Variants in STAB2 observed in about 807,000 individuals in gnomAD.
STAB2 encodes the protein stabilin-2.
STAB2 carries 288 observed loss-of-function variants against 338.1 expected under a neutral mutation model. The ratio of observed to expected loss-of-function variants is 0.85; its 90% CI spans 0.77 to 0.94. The LOEUF (loss-of-function observed/expected upper bound fraction) is 0.94, where lower values mean the gene tolerates loss of function less well. Among genes scored for constraint, STAB2 ranks in the 40% least tolerant of loss-of-function variants. The pLI, the probability that STAB2 is intolerant of heterozygous loss-of-function variation, is 0.00. For missense variants in STAB2, 3,141 were observed against 3,210.1 expected (o/e 0.98, Z 0.52); for synonymous variants, 1,202 against 1,193.3 (o/e 1.01, Z -0.15).
intron 34 of STAB2, among the ~76,000 whole-genome samples, 153 bp downstream of exon 34, chr12:103,699,380 GA>G (rs1213922382): frequency 6.6e-6 from 1 of 152,090 alleles, no homozygotes; most frequent in Non-Finnish European, 1.5e-5. Context: ...AGACTGGAAA[GA>G]AAAAGAGGTT....
rs988485733 is a variant in STAB2, at chr12:103,755,633, T to C, written c.6902T>C (p.Val2301Ala). The C allele has an allele frequency of 4.3e-6, 7 of 1,614,016 alleles. No homozygotes were observed. In the African/African-American group the frequency reaches 8.0e-5, roughly 18 times the overall value. ...RMKDVNCTCK[V>A]GYVGDGFSCS... Reference sequence around the variant, plus strand: ...CCAGATGTGAACTGCACCTGCAAGGTGGGCTATGTGGGAGATGGCTTCTCA... The same window carrying C: ...CCAGATGTGAACTGCACCTGCAAGGCGGGCTATGTGGGAGATGGCTTCTCA... Residue 2301 changes from valine (V) to alanine (A), a missense_variant, in exon 63 of 69, where the codon GTG becomes GCG. Physicochemically the swap from Val to Ala is moderately conservative, Grantham distance 64 (BLOSUM62 0). Coordinates refer to ENST00000388887, the MANE Select transcript of STAB2 (RefSeq NM_017564.10).
Position 103,696,373 on chromosome 12 carries a change from G to A in STAB2, c.3582+529G>A, listed in dbSNP as rs558698181. ...TGGAAGTGAAAACAGTGTGCTTGCC[G>A]TGCAAATCCAGCTTCAAATGTGTCT... On this transcript the variant is annotated intron_variant, in intron 33 of 68. Transcript: ENST00000388887. Among the ~76,000 whole-genome samples the A allele has an allele frequency of 4.6e-4, 70 of 152,258 alleles. No homozygotes were observed. The South Asian group carries it at 8.5e-3, about 19-fold the overall frequency.
chr12:103,635,490 T>A (rs1409244678), intron 6 of STAB2, among the ~76,000 whole-genome samples: 1 of 152,180 alleles, frequency 6.6e-6, no homozygotes, highest in Non-Finnish European at 1.5e-5. Context: ...CTCAGCTCCC[T>A]CCAGCATTTG....
rs772757732 is a variant in STAB2 at position 103,737,792 on chromosome 12, AAAC to A, written c.5697+17_5697+19del. 1.9e-6 allele frequency: 3 copies of A among 1,613,568 alleles called. No homozygotes were observed. Among genetic ancestry groups the A allele is most frequent in the South Asian group, 1.1e-5 (1 of 91,012 alleles). ...CTTTCGATGCCTCGGTCAGTCCTAA[AAAC>A]AACAGTGTAGTAAGAGAACCTTAAG... is the stretch of plus-strand genomic sequence containing the variant. On this transcript the variant is annotated intron_variant, in intron 53 of 68. Transcript: ENST00000388887.
Position 103,695,780 on chromosome 12 carries a change from C to G in STAB2, c.3518C>G (p.Thr1173Arg). 1 of 1,614,236 alleles carries G rather than the reference C, an allele frequency of 6.2e-7. No individual in the cohort carries two copies. The highest frequency in any genetic ancestry group is 8.5e-7 in the Non-Finnish European group (1 of 1,180,046). Residue 1173 changes from threonine (T) to arginine (R), a missense_variant, in exon 33 of 69, where the codon ACA becomes AGA. Physicochemically the swap from Thr to Arg is moderately conservative, Grantham distance 71. Transcript: ENST00000388887. ...GCAATTGAGGCTGCCGATGCCTACA[C>G]AGTGTTTGCTCCAAACAACAATGCC... ...ANAIEAADAY[T>R]VFAPNNNAIE... is the part of the protein sequence containing the mutation.
Position 103,690,669 on chromosome 12 carries a change from G to A in STAB2, c.3297+131G>A, listed in dbSNP as rs374239542. On this transcript the variant is annotated intron_variant, in intron 30 of 68. Transcript: ENST00000388887. Reference sequence around the variant, plus strand: ...ACAGAGAACAGAATCCCTCATGTGGGCATCACCCAGCTGCAATAATTATCA... The same window carrying A: ...ACAGAGAACAGAATCCCTCATGTGGACATCACCCAGCTGCAATAATTATCA... The A allele has an allele frequency of 6.5e-5, 44 of 675,790 alleles. No individual in the cohort carries two copies. The African/African-American group carries it at 7.5e-4, about 11-fold the overall frequency. The allele number at this position is 675,790 out of a possible 1,614,324, so 41.9% of individuals were successfully genotyped here.
At position 103,638,016 on chromosome 12, in the gene STAB2, C is replaced by G. The variant is rs1204940908; in HGVS notation, c.710C>G (p.Pro237Arg). The change falls in exon 8 of 69, where the codon CCC becomes CGC. Residue 237 changes from proline (P) to arginine (R), a missense_variant and splice_region_variant. Transcript: ENST00000388887. ...NYRGDGKYCD[P>R]INPCLRKICH... ...TCTCATTTTGCTGTTGCCTCTCAAG[C>G]CATCAATCCATGTTTACGAAAAATC... 1.9e-6 allele frequency: 3 copies of G among 1,608,132 alleles called. No homozygotes were observed. The highest frequency in any genetic ancestry group is 1.7e-4 in the Middle Eastern group (1 of 6,040).
chr12:103,607,076 C>T (rs1450303557), intron 3 of STAB2, among the ~76,000 whole-genome samples: 1 of 152,084 alleles, frequency 6.6e-6, no homozygotes, highest in African/African-American at 2.4e-5. Flanking sequence ...TCCTTTTTCC[C>T]TTTGGCTGCT....
At chr12:103,713,140 C>T (rs1025312811) in intron 41 of STAB2, among the ~76,000 whole-genome samples, 3 of 152,218 alleles carry the variant, frequency 2.0e-5, no homozygotes, top group African/African-American at 7.2e-5. Flanking sequence ...AAGAAGACCT[C>T]CCTCACTGAG....
chr12:103,635,038 G>A (rs117151043), intron 6 of STAB2, among the ~76,000 whole-genome samples: 2 of 152,320 alleles, frequency 1.3e-5, no homozygotes, highest in East Asian at 1.9e-4. Flanking sequence ...TAGTCTCTGT[G>A]AACTATTTTA....
chr12:103,722,741 G>A (rs1281745840), intron 44 of STAB2, among the ~76,000 whole-genome samples: 1 of 152,048 alleles, frequency 6.6e-6, no homozygotes, highest in East Asian at 1.9e-4. Flanking sequence ...AAAAAAAGGA[G>A]TTTGGCTTTT....
intron 6 of STAB2, among the ~76,000 whole-genome samples, chr12:103,635,910 C>G (rs922127265): frequency 1.2e-4 from 18 of 152,222 alleles, no homozygotes; most frequent in African/African-American, 4.3e-4. Flanking sequence ...ACTTTGCTAT[C>G]CAGTGACTAA....
chr12:103,740,832 A>G, intron 55 of STAB2, 76 bp downstream of exon 55: 2 of 1,479,574 alleles, frequency 1.4e-6, no homozygotes, highest in Non-Finnish European at 8.9e-7. Flanking sequence ...CTTTGAATGT[A>G]CCAAAATTAT....
chr12:103,596,263 A>T (rs1243730799), intron 3 of STAB2, among the ~76,000 whole-genome samples: 1 of 152,242 alleles, frequency 6.6e-6, no homozygotes, highest in Non-Finnish European at 1.5e-5. Context: ...CACAAAAACA[A>T]ATCTGATGCT....
chr12:103,761,517 G>C, intron 66 of STAB2, 107 bp downstream of exon 66: 8 of 993,376 alleles, frequency 8.1e-6, no homozygotes, highest in South Asian at 6.0e-5. Flanking sequence ...TTCCTCCAGA[G>C]ACTGGAGGAG....
chr12:103,760,120 A>G (rs1006125134), intron 65 of STAB2, among the ~76,000 whole-genome samples: 1 of 152,164 alleles, frequency 6.6e-6, no homozygotes, highest in African/African-American at 2.4e-5. Context: ...CTCTTCTGGA[A>G]CAGAAGGGGC....
At chr12:103,619,867 G>A (rs1957271435) in intron 3 of STAB2, among the ~76,000 whole-genome samples, 1 of 150,036 alleles carries the variant, frequency 6.7e-6, no homozygotes, top group African/African-American at 2.5e-5. Context: ...CCTTGTACTT[G>A]CTATTGCCTC....
rs1299543469 is a variant in STAB2, at chr12:103,640,243, C to A, written c.1027C>A (p.Pro343Thr). 2 of 1,612,846 alleles carry A rather than the reference C, an allele frequency of 1.2e-6. No homozygotes were observed. The highest frequency in any genetic ancestry group is 8.5e-7 in the Non-Finnish European group (1 of 1,179,210). Reference protein sequence around the residue: ...HRNANCTTVAPGRTECICQKG... With the variant: ...HRNANCTTVATGRTECICQKG... ...GAATGCAAATTGCACCACCGTCGCA[C>A]CAGGCCGAACTGAGTAAGTCTTTTC... The change falls in exon 9 of 69, where the codon CCA (proline) becomes ACA (threonine). Residue 343 changes from proline to threonine, a missense_variant. Coordinates refer to ENST00000388887, the MANE Select transcript of STAB2 (RefSeq NM_017564.10).
chr12:103,690,595 T>C (rs1593240400), intron 30 of STAB2, 57 bp downstream of exon 30: 1 of 1,484,380 alleles, frequency 6.7e-7, no homozygotes, highest in South Asian at 1.2e-5. Flanking sequence ...GTTTATATTG[T>C]ACTTTTTAAA....
Sources: allele counts gnomAD v4.1 joint callset (sites outside exome capture counted in the v4.1 genomes callset), GRCh38; gene constraint gnomAD v4.1.1; transcripts MANE v1.5; gene names NCBI Gene and HGNC (gene_info 2026-07-23, HGNC 2026-07-21).